The following TCN2 variants were observed in gnomAD, a reference collection of about 807,000 sequenced individuals.
The protein encoded by TCN2 is transcobalamin 2.
Under a neutral mutation model 48.6 loss-of-function variants are expected in TCN2, and 34 were observed. The observed-to-expected ratio is 0.70, with a 90% CI of 0.53 to 0.93. TCN2 has a LOEUF of 0.93. Among genes scored for constraint, TCN2 ranks in the 40% least tolerant of loss-of-function variants. The pLI is 0.00. For synonymous variants in TCN2, 283 were observed against 212.5 expected (o/e 1.33, Z -2.89); for missense variants, 652 against 526.1 (o/e 1.24, Z -2.34).
At chr22:30,626,145 TC>T (rs1193144677) in intron 8 of TCN2, among the ~76,000 whole-genome samples, 1 of 152,134 alleles carries the variant, frequency 6.6e-6, no homozygotes, top group Non-Finnish European at 1.5e-5. Context: ...CTGGGAGACT[TC>T]TGCGTGGTCC....
chr22:30,610,851 G>A lies in TCN2; in HGVS notation c.65-20G>A, dbSNP rs775418824. 3 of 1,614,112 alleles carry A rather than the reference G, an allele frequency of 1.9e-6. No individual in the cohort carries two copies. Among genetic ancestry groups the A allele is most frequent in the Non-Finnish European group, 2.5e-6 (3 of 1,179,978 alleles). ...GTGGCCTGGCCCTGTGACCTCATTT[G>A]TACCATTTTCTTTTCTAAGAAATAC... On this transcript the variant is annotated intron_variant, in intron 1 of 8. Transcript: ENST00000215838.
intron 1 of TCN2, among the ~76,000 whole-genome samples, chr22:30,609,151 T>C (rs1186390824): frequency 6.6e-6 from 1 of 151,610 alleles, no homozygotes; most frequent in African/African-American, 2.4e-5. Context: ...CCTTTTCTCT[T>C]TCTTCTTCTT....
In TCN2 at chr22:30,615,387, A is replaced by C; in HGVS notation, c.667A>C (p.Ile223Leu). 1 of 1,614,154 alleles carries C rather than the reference A, an allele frequency of 6.2e-7. No homozygotes were observed. The highest frequency in any genetic ancestry group is 8.5e-7 in the Non-Finnish European group (1 of 1,180,026). ...PGRRQRITMAIRTVREEILKA... is the reference protein window; with the variant it reads ...PGRRQRITMALRTVREEILKA... ...TCGGAGACAACGGATCACCATGGCC[A>C]TCAGAACAGTGCGAGAGGAGATCTT... Residue 223 changes from isoleucine to leucine, a missense_variant, in exon 5 of 9, where the codon ATC becomes CTC. Physicochemically the swap from Ile to Leu is conservative, Grantham distance 5. Coordinates refer to ENST00000215838, the MANE Select transcript of TCN2 (RefSeq NM_000355.4).
Position 30,626,511 on chromosome 22 carries a change from T to TTAGC in TCN2, c.1276_1279dup (p.Trp427Ter). 1 of 1,614,094 alleles carries TTAGC rather than the reference T, an allele frequency of 6.2e-7. No homozygotes were observed. Among genetic ancestry groups the TTAGC allele is most frequent in the Non-Finnish European group, 8.5e-7 (1 of 1,180,012 alleles). The stretch of plus-strand genomic sequence containing the variant: ...GGAGAAACCATTGAGCTGAGGCTGG[T>TTAGC]TAGCTGGTAGCCCCTGAGCTCCCTC... On this transcript the variant is annotated frameshift_variant, in exon 9 of 9. Transcript: ENST00000215838. LOFTEE classifies it high-confidence loss of function.
chr22:30,624,840 TG>T (rs2087780147), intron 8 of TCN2, among the ~76,000 whole-genome samples: 1 of 152,180 alleles, frequency 6.6e-6, no homozygotes. Context: ...GGAAAGTGGA[TG>T]GGAGTTATAA....
At chr22:30,613,433 C>T (rs1293852131) in intron 3 of TCN2, among the ~76,000 whole-genome samples, 1 of 152,202 alleles carries the variant, frequency 6.6e-6, no homozygotes, top group African/African-American at 2.4e-5. Context: ...GCATGCGCCA[C>T]CACACCCAGC....
chr22:30,619,087 TTTTA>T (rs1395158257), intron 7 of TCN2, among the ~76,000 whole-genome samples: 2 of 152,136 alleles, frequency 1.3e-5, no homozygotes, highest in Non-Finnish European at 2.9e-5. Context: ...AGAACTTTTA[TTTTA>T]TTTGAGACAG....
intron 1 of TCN2, among the ~76,000 whole-genome samples, chr22:30,608,638 C>G (rs1007229125): frequency 6.6e-6 from 1 of 151,982 alleles, no homozygotes; most frequent in African/African-American, 2.4e-5. Context: ...GAAACTCTTG[C>G]GTCGGCCTCC....
chr22:30,617,283 G>A, intron 6 of TCN2, 47 bp from the exon 7 acceptor site: 2 of 1,612,788 alleles, frequency 1.2e-6, no homozygotes, highest in Non-Finnish European at 1.7e-6. Flanking sequence ...AATAATCCAG[G>A]CTCTCTGTCC....
Position 30,614,653 on chromosome 22 carries a change from G to T in TCN2, c.580+152G>T. The T allele has an allele frequency of 7.6e-6, 9 of 1,191,182 alleles. No homozygotes were observed. In the South Asian group the frequency reaches 1.1e-4, roughly 14 times the overall value. 73.8% of individuals were successfully genotyped at this position (1,191,182 alleles called of 1,614,324 possible). A position where few individuals can be genotyped will look rare whatever the true frequency, so the allele number is the denominator to read the frequency against. On this transcript the variant is annotated intron_variant, in intron 4 of 8. Transcript: ENST00000215838. The stretch of plus-strand genomic sequence containing the variant: ...AGGGACGAATTGGCGAGGGCTCATG[G>T]GTGATGCTTCAGCTGTGAGCCAGCT...
intron 7 of TCN2, 169 bp downstream of exon 7, chr22:30,617,664 G>A: frequency 1.1e-6 from 1 of 893,804 alleles, no homozygotes; most frequent in Non-Finnish European, 1.7e-6. Flanking sequence ...ATGGAAACAG[G>A]GAGCCATAGG....
At chr22:30,622,520 C>G (rs1379085245) in intron 7 of TCN2, among the ~76,000 whole-genome samples, 1 of 152,168 alleles carries the variant, frequency 6.6e-6, no homozygotes, top group Non-Finnish European at 1.5e-5. Flanking sequence ...TGCCACTGAG[C>G]CACAGAGACC....
At chr22:30,612,814 T>C (rs1300733309) in intron 2 of TCN2, 59 bp from the exon 3 acceptor site, 31 of 1,600,824 alleles carry the variant, frequency 1.9e-5, no homozygotes, top group African/African-American at 2.7e-5. Context: ...GGGTGGGTGC[T>C]GTAAGCAGGC....
At chr22:30,625,249 CTTAACAGTT>C (rs1217685242) in intron 8 of TCN2, among the ~76,000 whole-genome samples, 10 of 151,810 alleles carry the variant, frequency 6.6e-5, no homozygotes, top group Non-Finnish European at 1.2e-4. Context: ...AAATGTATTT[CTTAACAGTT>C]CTGGAGGTTG....
rs779779694 is a variant in TCN2, at chr22:30,612,939, C to G, written c.324C>G (p.Tyr108Ter). ...GKPSMGQLALYLLALRANCEF... is the reference protein window; with the variant it reads ...GKPSMGQLAL ...CTTCCATGGGCCAGCTGGCCCTCTACCTGCTCGCTCTCAGAGCCAACTGTG... is the reference window on the plus strand; with the variant it reads ...CTTCCATGGGCCAGCTGGCCCTCTAGCTGCTCGCTCTCAGAGCCAACTGTG... The change falls in exon 3 of 9, where the codon TAC becomes TAG. Residue 108 changes from tyrosine to a stop codon, truncating the protein, a stop_gained. Coordinates refer to ENST00000215838, the MANE Select transcript of TCN2 (RefSeq NM_000355.4). LOFTEE classifies it high-confidence loss of function. The G allele has an allele frequency of 2.5e-6, 4 of 1,614,110 alleles. No homozygotes were observed. The highest frequency in any genetic ancestry group is 3.4e-6 in the Non-Finnish European group (4 of 1,180,058).
chr22:30,609,547 C>A (rs528101180), intron 1 of TCN2, among the ~76,000 whole-genome samples: 1 of 151,488 alleles, frequency 6.6e-6, no homozygotes, highest in East Asian at 2.0e-4. Context: ...AGGGAACTCC[C>A]TTGCGCGTTT....
chr22:30,609,573 G>A lies in TCN2; in HGVS notation c.65-1298G>A, dbSNP rs561672222. Among the ~76,000 whole-genome samples the A allele has an allele frequency of 2.9e-5, 3 of 102,434 alleles. No homozygotes were observed. The East Asian group carries it at 1.3e-3, about 44-fold the overall frequency. The allele number at this position is 102,434 out of a possible 152,430, so 67.2% of individuals were successfully genotyped here. On this transcript the variant is annotated intron_variant, in intron 1 of 8. Transcript: ENST00000215838. ...TTGCGCGTTTCAAGAAAAGGGAAAA[G>A]GAAAGAGAGGTGAGGAGGGGGGCAG...
At position 30,617,271 on chromosome 22, in the gene TCN2, CAAAT is replaced by C. The variant is rs1054067703; in HGVS notation, c.941-56_941-53del. On this transcript the variant is annotated intron_variant, in intron 6 of 8. Transcript: ENST00000215838. ...GTGTCCTTGAGGGAAGACAAGAAGA[CAAAT>C]AATCCAGGCTCTCTGTCCTCACACC... 17 of 1,611,430 alleles carry C rather than the reference CAAAT, an allele frequency of 1.1e-5. No homozygotes were observed. The African/African-American group carries it at 1.5e-4, about 14-fold the overall frequency.
At chr22:30,620,973 G>T (rs1246442737) in intron 7 of TCN2, among the ~76,000 whole-genome samples, 1 of 151,826 alleles carries the variant, frequency 6.6e-6, no homozygotes, top group Non-Finnish European at 1.5e-5. Flanking sequence ...CTTCGCTAAA[G>T]TCACCCCAAA....
Sources: allele counts gnomAD v4.1 joint callset (sites outside exome capture counted in the v4.1 genomes callset), GRCh38; gene constraint gnomAD v4.1.1; transcripts MANE v1.5; gene names NCBI Gene and HGNC (gene_info 2026-07-23, HGNC 2026-07-21).